Variants in DPP6 observed in about 807,000 individuals in gnomAD.
DPP6 encodes dipeptidyl peptidase like 6.
A neutral mutation model predicts 122.6 loss-of-function variants in DPP6; 69 were observed. The observed-to-expected ratio is 0.56, with a 90% confidence interval of 0.46 to 0.69. The LOEUF (loss-of-function observed/expected upper bound fraction) is 0.69. Among genes scored for constraint, DPP6 ranks in the 30% least tolerant of loss-of-function variants. The probability of loss-of-function intolerance (pLI) is 0.00; values close to 1 mark genes in which losing one functional copy is unlikely to be tolerated. For missense variants in DPP6, 928 were observed against 1,116.9 expected (o/e 0.83, Z 2.41); for synonymous variants, 418 against 433.1 (o/e 0.97, Z 0.43).
At chr7:154,665,757 A>G (rs1389530471) in intron 6 of DPP6, among the ~76,000 whole-genome samples, 1 of 152,168 alleles carries the variant, frequency 6.6e-6, no homozygotes, top group East Asian at 1.9e-4. Flanking sequence ...TTTTGGATCT[A>G]TCTGTGTACA....
chr7:154,406,030 C>A (rs1374819142), intron 1 of DPP6, among the ~76,000 whole-genome samples: 1 of 152,066 alleles, frequency 6.6e-6, no homozygotes, highest in African/African-American at 2.4e-5. Context: ...ATTAAGTTTT[C>A]TAAGAAATAA....
intron 16 of DPP6, chr7:154,839,002 C>T (rs1801303676): frequency 6.6e-6 from 1 of 152,168 alleles, no homozygotes; most frequent in Non-Finnish European, 1.5e-5. Context: ...ACCAACCAAC[C>T]ATCTCACCAT....
chr7:154,745,175 A>G (rs1354779455), intron 8 of DPP6, among the ~76,000 whole-genome samples: 1 of 152,196 alleles, frequency 6.6e-6, no homozygotes, highest in Non-Finnish European at 1.5e-5. Context: ...ACTCACCAGG[A>G]TCTGCCCTCT....
intron 1 of DPP6, among the ~76,000 whole-genome samples, chr7:154,289,823 C>T (rs540530631): frequency 2.0e-5 from 3 of 152,112 alleles, no homozygotes; most frequent in Non-Finnish European, 4.4e-5. Flanking sequence ...GCAGTCCTGG[C>T]GTTATGCCAT....
At chr7:154,005,171 C>T (rs1031460088) in intron 1 of DPP6, among the ~76,000 whole-genome samples, 7 of 152,184 alleles carry the variant, frequency 4.6e-5, no homozygotes, top group African/African-American at 1.7e-4. Context: ...TCTGAAAAGG[C>T]CTATTTTTCA....
the DPP6 span, among the ~76,000 whole-genome samples, chr7:153,826,996 A>G: frequency 3.2e-5 from 1 of 31,698 alleles, no homozygotes; most frequent in South Asian, 6.2e-4. Context: ...AGTGAAAATC[A>G]TTAAAATTAA....
intron 5 of DPP6, among the ~76,000 whole-genome samples, chr7:154,627,403 T>C (rs1400812359): frequency 1.3e-5 from 2 of 151,666 alleles, no homozygotes; most frequent in Non-Finnish European, 2.9e-5. Context: ...TTTCACCATG[T>C]TGGCCAGGCT....
intron 16 of DPP6, among the ~76,000 whole-genome samples, chr7:154,832,446 G>T (rs1800705956): frequency 1.3e-5 from 2 of 152,176 alleles, no homozygotes. Flanking sequence ...CGATCATGGG[G>T]TCATACCATT....
At chr7:154,549,571 G>A (rs1415581155) in intron 4 of DPP6, among the ~76,000 whole-genome samples, 1 of 152,182 alleles carries the variant, frequency 6.6e-6, no homozygotes, top group African/African-American at 2.4e-5. Context: ...AATGTGACCT[G>A]TAGGGTATTA....
chr7:154,316,303 C>A (rs1459977253), intron 1 of DPP6, among the ~76,000 whole-genome samples: 1 of 152,210 alleles, frequency 6.6e-6, no homozygotes, highest in Non-Finnish European at 1.5e-5. Context: ...ACCAGCCATG[C>A]ATCAACATTC....
In DPP6 at chr7:153,978,909, A is replaced by C. The variant is rs371715121; in HGVS notation, c.51+91175A>C. On this transcript the variant is annotated intron_variant, in intron 1 of 25. Transcript: ENST00000404039. ...TCTGTTCTGCTTCATTGGTTGATAT[A>C]TCTGTTTTGGTAACAGTACCGTGCT... Among the ~76,000 whole-genome samples, 29 of 152,052 alleles carry C rather than the reference A, an allele frequency of 1.9e-4. No homozygotes were observed. The East Asian group carries it at 4.5e-3, about 23-fold the overall frequency.
At chr7:153,898,142 T>G (rs1408882088) in intron 1 of DPP6, among the ~76,000 whole-genome samples, 2 of 152,106 alleles carry the variant, frequency 1.3e-5, no homozygotes, top group South Asian at 2.1e-4. Context: ...TACTAATAAT[T>G]TATTGTATAT....
chr7:154,329,866 A>C (rs1009741258), intron 1 of DPP6, among the ~76,000 whole-genome samples: 1 of 152,242 alleles, frequency 6.6e-6, no homozygotes, highest in South Asian at 2.1e-4. Flanking sequence ...GAATGAGTTC[A>C]TGTCCTTTGC....
chr7:154,181,749 C>CTTTTTTTTTTTTTTTTT lies in DPP6; in HGVS notation c.243+128689_243+128705dup, dbSNP rs57576340. ...TGCACTCATGAAAATGCATCTCCCT[C>CTTTTTTTTTTTTTTTTT]TTTTTTTTTTTTTTTTTTTGAGACA... is the stretch of plus-strand genomic sequence containing the variant. On this transcript the variant is annotated intron_variant, in intron 1 of 25. Transcript: ENST00000377770. 1.5e-5 allele frequency among the ~76,000 whole-genome samples: 2 copies of CTTTTTTTTTTTTTTTTT among 134,912 alleles called. 1 individual carries two copies. The highest frequency in any genetic ancestry group is 5.5e-5 in the African/African-American group (2 of 36,294). 88.5% of individuals were successfully genotyped at this position (134,912 alleles called of 152,430 possible).
At chr7:154,225,633 A>G (rs1161637602) in intron 1 of DPP6, among the ~76,000 whole-genome samples, 2 of 152,158 alleles carry the variant, frequency 1.3e-5, no homozygotes, top group East Asian at 1.9e-4. Flanking sequence ...GCATGTGTAT[A>G]TATCTTATTA....
the DPP6 span, among the ~76,000 whole-genome samples, chr7:153,844,014 A>G: frequency 6.6e-6 from 1 of 152,118 alleles, no homozygotes; most frequent in Non-Finnish European, 1.5e-5. Context: ...GGCTCTCCAC[A>G]AGGGTCGCAT....
At position 154,785,801 on chromosome 7, in the gene DPP6, G is replaced by T. The variant is rs1018199054; in HGVS notation, c.1137-8278G>T. 1.2e-4 allele frequency among the ~76,000 whole-genome samples: 18 copies of T among 152,172 alleles called. 1 individual carries two copies. Among genetic ancestry groups the T allele is most frequent in the Admixed American group, 1.2e-3 (18 of 15,282 alleles). On this transcript the variant is annotated intron_variant, in intron 10 of 25. Transcript: ENST00000377770. ...AACTAAGTGATTATCTTTCATGATA[G>T]AGCTAAGGAGTGCCCTGTGATTGCA...
At chr7:154,385,054 T>C (rs898804360) in intron 1 of DPP6, among the ~76,000 whole-genome samples, 1 of 152,160 alleles carries the variant, frequency 6.6e-6, no homozygotes, top group Non-Finnish European at 1.5e-5. Flanking sequence ...CACGGCAAGC[T>C]CTGCCTCCCA....
At chr7:154,646,045 A>AAAAAAAAAAAAAAAAAC (rs1554421912) in intron 6 of DPP6, among the ~76,000 whole-genome samples, 22 of 147,564 alleles carry the variant, frequency 1.5e-4, no homozygotes, top group African/African-American at 5.5e-4. Flanking sequence ...AAAAAAAAAA[A>AAAAAAAAAAAAAAAAAC]GAAAATACTG....
Sources: allele counts gnomAD v4.1 joint callset (sites outside exome capture counted in the v4.1 genomes callset), GRCh38; gene constraint gnomAD v4.1.1; transcripts MANE v1.5; gene names NCBI Gene and HGNC (gene_info 2026-07-23, HGNC 2026-07-21).